GNA14: variants seen among roughly 807,000 people sequenced by gnomAD.
The protein encoded by GNA14 is guanine nucleotide-binding protein subunit alpha-14.
GNA14 carries 50 observed loss-of-function variants against 42.0 expected under a neutral mutation model. That is an observed-to-expected ratio of 1.19 (90% CI 0.95 to 1.51). The LOEUF (loss-of-function observed/expected upper bound fraction) is 1.51, where lower values mean the gene tolerates loss of function less well. Among genes scored for constraint, GNA14 ranks in the 40% most tolerant of loss-of-function variants. The pLI, the probability that GNA14 is intolerant of heterozygous loss-of-function variation, is 0.00. For missense variants in GNA14, 473 were observed against 446.2 expected (o/e 1.06, Z -0.54); for synonymous variants, 173 against 163.1 (o/e 1.06, Z -0.46).
At chr9:77,573,263 A>G (rs892479538) in intron 1 of GNA14, among the ~76,000 whole-genome samples, 4 of 152,058 alleles carry the variant, frequency 2.6e-5, no homozygotes, top group Admixed American at 6.6e-5. Context: ...AGCCTGGCCA[A>G]CATAGTGAAA....
chr9:77,515,798 T>C, intron 2 of GNA14, among the ~76,000 whole-genome samples: 1 of 150,754 alleles, frequency 6.6e-6, no homozygotes. Flanking sequence ...ACCCCATCTT[T>C]ACAAAAAAAT....
chr9:77,481,723 C>G (rs970030221), intron 2 of GNA14, among the ~76,000 whole-genome samples: 2 of 152,122 alleles, frequency 1.3e-5, no homozygotes, highest in African/African-American at 2.4e-5. Context: ...CTTTATGAAT[C>G]TGGGTGCTCC....
intron 1 of GNA14, among the ~76,000 whole-genome samples, chr9:77,618,656 C>G (rs1385651305): frequency 2.3e-5 from 1 of 43,770 alleles, no homozygotes; most frequent in Non-Finnish European, 3.9e-5. Flanking sequence ...TTTTTTGAGA[C>G]GGAGTCTCGC....
chr9:77,462,720 C>T lies in GNA14; in HGVS notation c.310-28198G>A, dbSNP rs980551975. Among the ~76,000 whole-genome samples, 10 of 23,002 alleles carry T rather than the reference C, an allele frequency of 4.3e-4. 1 individual carries two copies. Among genetic ancestry groups the T allele is most frequent in the East Asian group, 9.3e-4 (1 of 1,070 alleles). The allele number at this position is 23,002 out of a possible 152,430, so 15.1% of individuals were successfully genotyped here. A position where few individuals can be genotyped will look rare whatever the true frequency, so the allele number is the denominator to read the frequency against. ...TGGGTGACAGAGCAAGACTCCATCT[C>T]GGGGCGGGGGGTGGGGGGGTGGGAA... On this transcript the variant is annotated intron_variant, in intron 2 of 6. Coordinates refer to ENST00000341700, the MANE Select transcript of GNA14 (RefSeq NM_004297.4).
At chr9:77,607,862 C>T (rs1446961500) in intron 1 of GNA14, among the ~76,000 whole-genome samples, 1 of 152,138 alleles carries the variant, frequency 6.6e-6, no homozygotes, top group East Asian at 1.9e-4. Flanking sequence ...GTGCTAATCT[C>T]ATTGGACTGG....
intron 2 of GNA14, among the ~76,000 whole-genome samples, chr9:77,479,115 G>A (rs879935195): frequency 2.8e-4 from 43 of 152,150 alleles, no homozygotes; most frequent in Admixed American, 1.1e-3. Context: ...TGTCCTGAAT[G>A]GTACTGCCTA....
At chr9:77,547,137 C>T (rs1837729440) in intron 1 of GNA14, among the ~76,000 whole-genome samples, 1 of 152,190 alleles carries the variant, frequency 6.6e-6, no homozygotes, top group Non-Finnish European at 1.5e-5. Flanking sequence ...AGATGTGTTT[C>T]TTACATTGGG....
At position 77,509,536 on chromosome 9, in the gene GNA14, G is replaced by A. The variant is rs117300570; in HGVS notation, c.309+19533C>T. Among the ~76,000 whole-genome samples, 38 of 152,194 alleles carry A rather than the reference G, an allele frequency of 2.5e-4. No individual in the cohort carries two copies. In the East Asian group the frequency reaches 3.7e-3, roughly 15 times the overall value. On this transcript the variant is annotated intron_variant, in intron 2 of 6. Transcript: ENST00000341700. ...TTCTAAAAAGAGGGAGAAGGAATAC[G>A]TTCCCTCCAGAAAATTACTAGATAA...
At chr9:77,489,080 AAAT>A (rs1836710404) in intron 2 of GNA14, among the ~76,000 whole-genome samples, 4 of 152,276 alleles carry the variant, frequency 2.6e-5, no homozygotes, top group Admixed American at 2.6e-4. Context: ...ACAGAGATTA[AAAT>A]AATAAAGAAT....
intron 1 of GNA14, among the ~76,000 whole-genome samples, chr9:77,643,401 G>A (rs1466356845): frequency 1.3e-5 from 2 of 152,072 alleles, no homozygotes; most frequent in Middle Eastern, 3.4e-3. Context: ...CACCACACCC[G>A]GCTAATTTTG....
intron 1 of GNA14, among the ~76,000 whole-genome samples, chr9:77,605,672 A>G (rs531749806): frequency 6.6e-6 from 1 of 152,358 alleles, no homozygotes; most frequent in South Asian, 2.1e-4. Context: ...CCAGGCACAG[A>G]AAGAGAAATA....
chr9:77,581,068 A>G (rs924443345), intron 1 of GNA14, among the ~76,000 whole-genome samples: 1 of 151,432 alleles, frequency 6.6e-6, no homozygotes, highest in African/African-American at 2.4e-5. Context: ...AGACTATCTC[A>G]GTTTGAATTA....
rs113048696 is a variant in GNA14 at position 77,528,308 on chromosome 9, T to C, written c.309+761A>G. 7.6e-3 allele frequency among the ~76,000 whole-genome samples: 1,165 copies of C among 152,294 alleles called. 14 individuals are homozygous for C. The highest frequency in any genetic ancestry group is 0.026 in the African/African-American group (1,099 of 41,560). On this transcript the variant is annotated intron_variant, in intron 2 of 6. Transcript: ENST00000341700. ...TTTTTCTCTTTATCATCATGTCATG[T>C]TGTAATTTGGTATCAATTATTTTAA... is the stretch of plus-strand genomic sequence containing the variant.
intron 2 of GNA14, among the ~76,000 whole-genome samples, chr9:77,481,382 G>A (rs1234033051): frequency 2.0e-5 from 3 of 152,184 alleles, no homozygotes; most frequent in African/African-American, 7.2e-5. Context: ...TTAATCCTGA[G>A]TTCTAGTTTG....
intron 1 of GNA14, among the ~76,000 whole-genome samples, chr9:77,577,446 G>A (rs1366887708): frequency 6.6e-6 from 1 of 151,998 alleles, no homozygotes; most frequent in Non-Finnish European, 1.5e-5. Flanking sequence ...TTAACAAGTG[G>A]GTCTCATAAA....
intron 1 of GNA14, among the ~76,000 whole-genome samples, chr9:77,641,580 A>G (rs559158994): frequency 2.0e-5 from 3 of 152,216 alleles, no homozygotes; most frequent in East Asian, 3.9e-4. Context: ...CTGTTAAAAA[A>G]AAAGGGAGAG....
At chr9:77,462,010 G>T (rs934738911) in intron 2 of GNA14, among the ~76,000 whole-genome samples, 2 of 152,148 alleles carry the variant, frequency 1.3e-5, no homozygotes, top group African/African-American at 4.8e-5. Flanking sequence ...CAAGAGGTAG[G>T]TGTGTTAAAT....
chr9:77,556,110 G>A (rs1822776947), intron 1 of GNA14, among the ~76,000 whole-genome samples: 1 of 152,154 alleles, frequency 6.6e-6, no homozygotes, highest in African/African-American at 2.4e-5. Context: ...CGGGCATGAT[G>A]GTGGGTGCCT....
At chr9:77,535,348 T>A (rs912610690) in intron 1 of GNA14, among the ~76,000 whole-genome samples, 6 of 152,064 alleles carry the variant, frequency 3.9e-5, no homozygotes, top group African/African-American at 1.4e-4. Flanking sequence ...ATCAAGACCA[T>A]CCTGGCTAAC....
Sources: gnomAD v4.1 joint callset for allele counts (sites outside exome capture counted in the v4.1 genomes callset) on GRCh38, gnomAD v4.1.1 for gene constraint, MANE v1.5 for transcripts, NCBI Gene and HGNC (gene_info 2026-07-23, HGNC 2026-07-21) for gene names.